Variants in RABGAP1L observed in about 807,000 individuals in gnomAD.
RABGAP1L encodes the protein RAB GTPase activating protein 1 like.
A neutral mutation model predicts 137.7 loss-of-function variants in RABGAP1L; 63 were observed. The observed-to-expected ratio is 0.46, with a 90% CI of 0.37 to 0.56. The LOEUF (loss-of-function observed/expected upper bound fraction) is 0.56, where lower values mean the gene tolerates loss of function less well. Among genes scored for constraint, RABGAP1L ranks in the 20% least tolerant of loss-of-function variants. The pLI is 0.00. For synonymous variants in RABGAP1L, 431 were observed against 433.7 expected, an observed-to-expected ratio of 0.99 and a Z score of 0.08; for missense variants, 1,095 against 1,244.0, an observed-to-expected ratio of 0.88 and a Z score of 1.80.
intron 7 of RABGAP1L, among the ~76,000 whole-genome samples, chr1:174,261,062 G>C (rs1453361498): frequency 6.6e-6 from 1 of 151,940 alleles, no homozygotes. Context: ...ATCAGGAAGC[G>C]ATTTTTGGCA....
intron 18 of RABGAP1L, among the ~76,000 whole-genome samples, chr1:174,782,958 CT>C (rs1687131732): frequency 6.6e-6 from 1 of 152,186 alleles, no homozygotes. Flanking sequence ...GGGCAACCCC[CT>C]TTGGGTCCCC....
At chr1:174,217,858 C>T (rs139520689) in intron 1 of RABGAP1L, among the ~76,000 whole-genome samples, 2,461 of 152,202 alleles carry the variant, frequency 0.016, 37 homozygotes, top group Non-Finnish European at 0.025. Context: ...TGAAGCTAGA[C>T]TCATTCTTTT....
At chr1:174,807,313 C>T (rs1170528065) in intron 18 of RABGAP1L, among the ~76,000 whole-genome samples, 1 of 151,958 alleles carries the variant, frequency 6.6e-6, no homozygotes, top group Non-Finnish European at 1.5e-5. Context: ...ACCATGTAGA[C>T]AATACACATA....
intron 19 of RABGAP1L, among the ~76,000 whole-genome samples, chr1:174,909,082 G>A (rs1445955081): frequency 1.3e-5 from 2 of 151,064 alleles, no homozygotes; most frequent in African/African-American, 2.4e-5. Flanking sequence ...GGGAGGCTGA[G>A]GCAGGAGAAT....
At chr1:174,601,406 A>G (rs1670400528) in intron 13 of RABGAP1L, among the ~76,000 whole-genome samples, 1 of 152,142 alleles carries the variant, frequency 6.6e-6, no homozygotes, top group African/African-American at 2.4e-5. Flanking sequence ...GGGTTTTTCC[A>G]AACACTGCAT....
intron 13 of RABGAP1L, among the ~76,000 whole-genome samples, chr1:174,476,316 A>G (rs577308562): frequency 6.6e-6 from 1 of 152,246 alleles, no homozygotes; most frequent in South Asian, 2.1e-4. Context: ...TTTTGGAGCA[A>G]TTTACTGGCC....
intron 11 of RABGAP1L, among the ~76,000 whole-genome samples, chr1:174,360,246 A>AT (rs764050791): frequency 1.0e-3 from 93 of 92,736 alleles, no homozygotes; most frequent in African/African-American, 2.1e-3. Flanking sequence ...CAAAAGTTAA[A>AT]ATTTTTTTTT....
intron 13 of RABGAP1L, among the ~76,000 whole-genome samples, chr1:174,528,881 A>T: frequency 6.7e-6 from 1 of 149,444 alleles, no homozygotes. Context: ...CAAATGTTTC[A>T]CTCATTCTTT....
At chr1:174,321,168 A>G (rs1679938841) in intron 11 of RABGAP1L, among the ~76,000 whole-genome samples, 1 of 152,128 alleles carries the variant, frequency 6.6e-6, no homozygotes, top group Non-Finnish European at 1.5e-5. Flanking sequence ...GGATGAGGAA[A>G]TTCCTGCCTA....
intron 7 of RABGAP1L, among the ~76,000 whole-genome samples, chr1:174,254,037 C>T (rs545687969): frequency 9.9e-5 from 15 of 152,090 alleles, no homozygotes; most frequent in African/African-American, 3.4e-4. Context: ...CTGATGGCAT[C>T]ATGGCCACTT....
At chr1:174,371,890 T>C (rs185091916) in intron 12 of RABGAP1L, among the ~76,000 whole-genome samples, 1 of 152,118 alleles carries the variant, frequency 6.6e-6, no homozygotes, top group Non-Finnish European at 1.5e-5. Flanking sequence ...TCTGTATGCA[T>C]CTTGAGAGTT....
chr1:174,221,637 C>T (rs757877240), intron 3 of RABGAP1L, among the ~76,000 whole-genome samples: 6 of 152,138 alleles, frequency 3.9e-5, no homozygotes, highest in Non-Finnish European at 8.8e-5. Flanking sequence ...GCTTATAAGT[C>T]AAGATGCTTT....
intron 13 of RABGAP1L, among the ~76,000 whole-genome samples, chr1:174,554,482 G>A (rs995667925): frequency 2.0e-5 from 3 of 152,144 alleles, no homozygotes; most frequent in Non-Finnish European, 4.4e-5. Context: ...CTTGGCATTT[G>A]TAAATGAGTT....
rs1281330815 is a variant in RABGAP1L, at chr1:174,633,644, C to G, written c.1711-3731C>G. On this transcript the variant is annotated intron_variant, in intron 13 of 25. Transcript: ENST00000681986. ...CCTGACTTCAAACTATACTACAAGG[C>G]TACAGTAACCAAAACAGCATGGTAG... 6.9e-5 allele frequency among the ~76,000 whole-genome samples: 8 copies of G among 115,276 alleles called. No individual in the cohort carries two copies. The South Asian group carries it at 2.1e-3, about 30-fold the overall frequency. 75.6% of individuals were successfully genotyped at this position (115,276 alleles called of 152,430 possible).
intron 19 of RABGAP1L, among the ~76,000 whole-genome samples, chr1:174,916,570 C>G (rs1341344300): frequency 6.6e-6 from 1 of 152,184 alleles, no homozygotes; most frequent in Non-Finnish European, 1.5e-5. Flanking sequence ...ACGAAGAGAT[C>G]TAACCAGATA....
chr1:174,256,501 T>C (rs904628567), intron 7 of RABGAP1L, among the ~76,000 whole-genome samples: 1 of 151,900 alleles, frequency 6.6e-6, no homozygotes, highest in African/African-American at 2.4e-5. Context: ...CATGAAAATA[T>C]GCTGGGCGCG....
intron 7 of RABGAP1L, among the ~76,000 whole-genome samples, chr1:174,255,254 C>T (rs1673027380): frequency 6.6e-6 from 1 of 151,958 alleles, no homozygotes; most frequent in South Asian, 2.1e-4. Flanking sequence ...CTGAAGATAT[C>T]GTATTTTTGA....
rs763913373 is a variant in RABGAP1L at position 174,991,464 on chromosome 1, A to T, written c.*1463A>T. Reference sequence around the variant, plus strand: ...AAGTAACACACCCTTAGAAGAATCAAATAAGAGCCATCTACATCCCAGGAG... The same window carrying T: ...AAGTAACACACCCTTAGAAGAATCATATAAGAGCCATCTACATCCCAGGAG... On this transcript the variant is annotated 3_prime_UTR_variant, in exon 26 of 26. Coordinates refer to ENST00000681986, the MANE Select transcript of RABGAP1L (RefSeq NM_001366446.1). 2.0e-4 allele frequency: 30 copies of T among 152,218 alleles called. No individual in the cohort carries two copies. Among genetic ancestry groups the T allele is most frequent in the Non-Finnish European group, 3.5e-4 (24 of 68,040 alleles). 9.4% of individuals were successfully genotyped at this position (152,218 alleles called of 1,614,324 possible).
At chr1:174,921,872 A>T (rs1467335577) in intron 19 of RABGAP1L, among the ~76,000 whole-genome samples, 1 of 152,214 alleles carries the variant, frequency 6.6e-6, no homozygotes, top group African/African-American at 2.4e-5. Flanking sequence ...AATGTAATGA[A>T]TGCATTTGTA....
Sources: gnomAD v4.1 joint callset for allele counts (sites outside exome capture counted in the v4.1 genomes callset) on GRCh38, gnomAD v4.1.1 for gene constraint, MANE v1.5 for transcripts, NCBI Gene and HGNC (gene_info 2026-07-23, HGNC 2026-07-21) for gene names.